Variants in GRID2 observed in about 807,000 individuals in gnomAD.
The protein encoded by GRID2 is glutamate ionotropic receptor delta type subunit 2.
In GRID2, 33 loss-of-function variants were observed where a neutral mutation model predicts 114.8. The ratio of observed to expected loss-of-function variants is 0.29; its 90% CI spans 0.22 to 0.38. The LOEUF (loss-of-function observed/expected upper bound fraction) is 0.38, where lower values mean the gene tolerates loss of function less well. Ranked by LOEUF, GRID2 falls within the 10% of genes least tolerant of loss-of-function variation. The pLI is 1.00. For missense variants in GRID2, 1,184 were observed against 1,257.7 expected (o/e 0.94, Z 0.89); for synonymous variants, 505 against 449.9 (o/e 1.12, Z -1.55).
At chr4:92,548,401 A>ATATTTTTTTTTTTT (rs1726385371) in intron 1 of GRID2, among the ~76,000 whole-genome samples, 5 of 60,810 alleles carry the variant, frequency 8.2e-5, no homozygotes, top group Non-Finnish European at 1.3e-4. Flanking sequence ...AGACTGTGTA[A>ATATTTTTTTTTTTT]TTTTTTTTTT....
At chr4:92,627,457 AAG>A (rs1730578416) in intron 2 of GRID2, among the ~76,000 whole-genome samples, 1 of 151,388 alleles carries the variant, frequency 6.6e-6, no homozygotes, top group Non-Finnish European at 1.5e-5. Flanking sequence ...TCTAATATAA[AAG>A]AAGTGTAACA....
intron 2 of GRID2, among the ~76,000 whole-genome samples, chr4:92,866,319 A>G (rs1744859187): frequency 6.6e-6 from 1 of 152,040 alleles, no homozygotes. Flanking sequence ...ACTTCATACA[A>G]ATCTTTAGAA....
At chr4:92,416,276 T>C (rs1731613389) in intron 1 of GRID2, among the ~76,000 whole-genome samples, 1 of 152,174 alleles carries the variant, frequency 6.6e-6, no homozygotes, top group South Asian at 2.1e-4. Context: ...GCTGATTTGT[T>C]TGAGTTTCTT....
At chr4:92,837,644 A>C (rs983515772) in intron 2 of GRID2, among the ~76,000 whole-genome samples, 5 of 152,096 alleles carry the variant, frequency 3.3e-5, no homozygotes, top group Non-Finnish European at 5.9e-5. Context: ...AAGGTATTTC[A>C]ACACTTCTTT....
At chr4:92,328,691 C>G (rs1042906481) in intron 1 of GRID2, among the ~76,000 whole-genome samples, 4 of 151,904 alleles carry the variant, frequency 2.6e-5, no homozygotes, top group African/African-American at 9.7e-5. Context: ...TGAGAAAAAC[C>G]TTTGTTAGCT....
chr4:92,438,541 AT>A (rs1256796855), intron 1 of GRID2, among the ~76,000 whole-genome samples: 2 of 151,218 alleles, frequency 1.3e-5, no homozygotes, highest in South Asian at 4.2e-4. Flanking sequence ...GATTCTATTA[AT>A]TTTTATAAAA....
chr4:92,342,137 G>A (rs925912385), intron 1 of GRID2, among the ~76,000 whole-genome samples: 1 of 151,892 alleles, frequency 6.6e-6, no homozygotes, highest in African/African-American at 2.4e-5. Flanking sequence ...AATCTATTTG[G>A]GGAGACAAAA....
At chr4:92,654,932 T>C (rs939758365) in intron 2 of GRID2, among the ~76,000 whole-genome samples, 5 of 152,064 alleles carry the variant, frequency 3.3e-5, no homozygotes, top group Non-Finnish European at 5.9e-5. Flanking sequence ...TTGCCTGTGC[T>C]TTTGAGGTCT....
intron 1 of GRID2, among the ~76,000 whole-genome samples, chr4:92,319,799 C>T (rs1054865123): frequency 2.6e-5 from 4 of 152,104 alleles, no homozygotes; most frequent in Admixed American, 6.5e-5. Flanking sequence ...CATTGTTTGT[C>T]ACATGTCCAT....
intron 4 of GRID2, among the ~76,000 whole-genome samples, chr4:93,118,599 C>T (rs1373374283): frequency 2.0e-5 from 3 of 152,146 alleles, no homozygotes; most frequent in Admixed American, 1.3e-4. Context: ...GTAGAGGACA[C>T]CCAGAGTTTG....
chr4:93,593,763 G>GT (rs1448883993), intron 13 of GRID2, among the ~76,000 whole-genome samples: 1 of 151,924 alleles, frequency 6.6e-6, no homozygotes, highest in Non-Finnish European at 1.5e-5. Context: ...TCTTTTTATT[G>GT]TTTTTTCTCT....
At chr4:92,324,794 T>C (rs1439613879) in intron 1 of GRID2, among the ~76,000 whole-genome samples, 1 of 151,926 alleles carries the variant, frequency 6.6e-6, no homozygotes, top group East Asian at 1.9e-4. Context: ...GACTGGTTTG[T>C]TGAAGGTTTT....
intron 8 of GRID2, among the ~76,000 whole-genome samples, chr4:93,301,280 C>A (rs1029376729): frequency 6.6e-6 from 1 of 152,108 alleles, no homozygotes; most frequent in Non-Finnish European, 1.5e-5. Context: ...TACCATTTAT[C>A]AATTTATCTA....
chr4:92,619,171 T>A (rs1201429222), intron 2 of GRID2, among the ~76,000 whole-genome samples: 1 of 151,750 alleles, frequency 6.6e-6, no homozygotes, highest in Non-Finnish European at 1.5e-5. Context: ...TTCCACTCTT[T>A]GCTGATAGGT....
At position 93,125,729 on chromosome 4, in the gene GRID2, G is replaced by GA. The variant is rs558438303; in HGVS notation, c.735+14781dup. Among the ~76,000 whole-genome samples the GA allele has an allele frequency of 1.4e-4, 22 of 152,166 alleles. No individual in the cohort carries two copies. In the South Asian group the frequency reaches 3.7e-3, roughly 26 times the overall value. On this transcript the variant is annotated intron_variant, in intron 4 of 15. Coordinates refer to ENST00000282020, the MANE Select transcript of GRID2 (RefSeq NM_001510.4). The stretch of plus-strand genomic sequence containing the variant: ...AGAAGTAGGTGAACACTTTAATTTT[G>GA]AAAAATTATTGTAATGAATAAGCAA...
chr4:92,775,695 A>G (rs891014086), intron 2 of GRID2, among the ~76,000 whole-genome samples: 1 of 152,130 alleles, frequency 6.6e-6, no homozygotes, highest in African/African-American at 2.4e-5. Flanking sequence ...CAAGAGTCTA[A>G]TTTTCACTTT....
Position 93,115,402 on chromosome 4 carries a change from G to C in GRID2, c.735+4449G>C, listed in dbSNP as rs28670097. 4.8e-3 allele frequency among the ~76,000 whole-genome samples: 698 copies of C among 144,556 alleles called. 11 individuals are homozygous for C. Among genetic ancestry groups the C allele is most frequent in the African/African-American group, 0.017 (665 of 39,232 alleles). The allele number at this position is 144,556 out of a possible 152,430, so 94.8% of individuals were successfully genotyped here. ...TTATGTGGCATTCCAAGTATATACAGACACACACACACACACACACATTTT... is the reference window on the plus strand; with the variant it reads ...TTATGTGGCATTCCAAGTATATACACACACACACACACACACACACATTTT... On this transcript the variant is annotated intron_variant, in intron 4 of 15. Transcript: ENST00000282020.
chr4:93,083,304 TAC>T (rs1477677694), intron 2 of GRID2, among the ~76,000 whole-genome samples: 2 of 152,180 alleles, frequency 1.3e-5, no homozygotes, highest in African/African-American at 4.8e-5. Context: ...ATTATAAGTA[TAC>T]ACTTATATTA....
At chr4:93,436,433 C>T (rs1005905568) in intron 10 of GRID2, among the ~76,000 whole-genome samples, 1 of 152,126 alleles carries the variant, frequency 6.6e-6, no homozygotes, top group African/African-American at 2.4e-5. Flanking sequence ...CAGGCCTACA[C>T]CACTTGCCCA....
Sources: gnomAD v4.1 joint callset for allele counts (sites outside exome capture counted in the v4.1 genomes callset) on GRCh38, gnomAD v4.1.1 for gene constraint, MANE v1.5 for transcripts, NCBI Gene and HGNC (gene_info 2026-07-23, HGNC 2026-07-21) for gene names.